Variants in IL1RAPL1 observed in about 807,000 individuals in gnomAD.
IL1RAPL1 encodes interleukin 1 receptor accessory protein like 1, also known as interleukin-1 receptor accessory protein-like 1.
IL1RAPL1 carries 3 observed loss-of-function variants against 48.4 expected under a neutral mutation model. The ratio of observed to expected loss-of-function variants is 0.06; its 90% CI spans 0.03 to 0.16. The LOEUF (loss-of-function observed/expected upper bound fraction) is 0.16. Among genes scored for constraint, IL1RAPL1 ranks in the 10% least tolerant of loss-of-function variants. The pLI, the probability that IL1RAPL1 is intolerant of heterozygous loss-of-function variation, is 1.00. For missense variants in IL1RAPL1, 349 were observed against 530.6 expected (o/e 0.66, Z 3.36); for synonymous variants, 185 against 187.7 (o/e 0.99, Z 0.12).
intron 5 of IL1RAPL1, among the ~76,000 whole-genome samples, chrX:29,537,289 G>C (rs1211900806): frequency 9.0e-6 from 1 of 110,703 alleles, no homozygotes; most frequent in Non-Finnish European, 1.9e-5. Context: ...CAGAACTAAA[G>C]AGTAAACCAA....
At chrX:29,252,102 C>T (rs1294025994) in intron 2 of IL1RAPL1, among the ~76,000 whole-genome samples, 1 of 103,615 alleles carries the variant, frequency 9.7e-6, no homozygotes, top group African/African-American at 3.9e-5. Context: ...ACATCACACT[C>T]TGGGGACTGT....
chrX:29,428,665 A>G (rs1178124428), intron 5 of IL1RAPL1, among the ~76,000 whole-genome samples: 1 of 112,038 alleles, frequency 8.9e-6, no homozygotes, highest in Non-Finnish European at 1.9e-5. Flanking sequence ...AAATTATTCA[A>G]TCCTAGACCT....
intron 2 of IL1RAPL1, among the ~76,000 whole-genome samples, chrX:29,064,259 A>T (rs888552278): frequency 3.6e-5 from 4 of 112,417 alleles, no homozygotes; most frequent in African/African-American, 1.3e-4. Context: ...ATTACAAGGA[A>T]ATACCAAGAT....
Position 29,837,258 on chromosome X carries a change from C to CAAAAA in IL1RAPL1, c.779-80195_779-80191dup, listed in dbSNP as rs34032700. Among the ~76,000 whole-genome samples the CAAAAA allele has an allele frequency of 2.2e-3, 66 of 30,013 alleles. 2 individuals are homozygous for CAAAAA. Among genetic ancestry groups the CAAAAA allele is most frequent in the African/African-American group, 0.011 (59 of 5,168 alleles). The allele number at this position is 30,013 out of a possible 115,157, so 26.1% of individuals were successfully genotyped here. A position where few individuals can be genotyped will look rare whatever the true frequency, so the allele number is the denominator to read the frequency against. Reference sequence around the variant, plus strand: ...AGCCTCAGCGATAGAGACTGCATCTCAAAAAAAAAAAAAAATATATATATA... The same window carrying CAAAAA: ...AGCCTCAGCGATAGAGACTGCATCTCAAAAAAAAAAAAAAAAAAAATATATATATA... On this transcript the variant is annotated intron_variant, in intron 6 of 10. Transcript: ENST00000378993.
intron 5 of IL1RAPL1, among the ~76,000 whole-genome samples, chrX:29,403,146 A>C (rs762488847): frequency 8.9e-6 from 1 of 112,612 alleles, no homozygotes; most frequent in Admixed American, 9.4e-5. Flanking sequence ...ATTCTGCTAC[A>C]TGAGATATAT....
intron 5 of IL1RAPL1, among the ~76,000 whole-genome samples, chrX:29,405,349 T>C (rs1285859026): frequency 3.8e-5 from 4 of 105,571 alleles, no homozygotes; most frequent in Non-Finnish European, 7.6e-5. Context: ...ATATGATATT[T>C]TCTCTGTGTT....
chrX:29,849,300 A>G (rs1004856063), intron 6 of IL1RAPL1, among the ~76,000 whole-genome samples: 5 of 111,600 alleles, frequency 4.5e-5, no homozygotes, highest in African/African-American at 1.3e-4. Flanking sequence ...TGACTCTGAT[A>G]CCTGAAACCT....
At chrX:29,381,491 CAAAAAAAAAAAAAAAAAAAAAAAA>C (rs548019465) in intron 3 of IL1RAPL1, among the ~76,000 whole-genome samples, 18 of 6,462 alleles carry the variant, frequency 2.8e-3, no homozygotes, top group East Asian at 0.01. Flanking sequence ...CTCATCTCTA[CAAAAAAAAAAAAAAAAAAAAAAAA>C]AAAAAAAAAA....
At chrX:29,783,574 A>C (rs1440360330) in intron 6 of IL1RAPL1, among the ~76,000 whole-genome samples, 2 of 112,008 alleles carry the variant, frequency 1.8e-5, no homozygotes, top group African/African-American at 6.5e-5. Flanking sequence ...AAATCATGCC[A>C]AAATCAAAAT....
chrX:29,636,968 G>A (rs1183217375), intron 5 of IL1RAPL1, among the ~76,000 whole-genome samples: 1 of 108,017 alleles, frequency 9.3e-6, no homozygotes, highest in Non-Finnish European at 1.9e-5. Context: ...CAGGAGAATC[G>A]CTTGAACCCA....
At chrX:28,793,393 T>C (rs191350048) in intron 2 of IL1RAPL1, among the ~76,000 whole-genome samples, 16 of 101,356 alleles carry the variant, frequency 1.6e-4, no homozygotes, top group South Asian at 4.1e-4. Flanking sequence ...TTCCTTCCTT[T>C]CTTCCTCCCT....
chrX:29,550,223 A>G (rs935089863), intron 5 of IL1RAPL1, among the ~76,000 whole-genome samples: 7 of 110,417 alleles, frequency 6.3e-5, no homozygotes, highest in South Asian at 3.8e-4. Context: ...ATGGATTCTC[A>G]CTCTGTCGCC....
At chrX:28,728,204 A>G (rs1453923711) in intron 1 of IL1RAPL1, among the ~76,000 whole-genome samples, 1 of 112,285 alleles carries the variant, frequency 8.9e-6, no homozygotes, top group African/African-American at 3.2e-5. Context: ...ATTGTTGAAT[A>G]CTATACTATG....
chrX:28,768,749 C>CTATATATATA (rs1333539964), intron 1 of IL1RAPL1, among the ~76,000 whole-genome samples: 2 of 69,800 alleles, frequency 2.9e-5, no homozygotes, highest in Non-Finnish European at 5.2e-5. Flanking sequence ...CTCTCTCTCT[C>CTATATATATA]TCTCTCTATA....
At chrX:29,795,668 C>T (rs1235124089) in intron 6 of IL1RAPL1, among the ~76,000 whole-genome samples, 1 of 113,201 alleles carries the variant, frequency 8.8e-6, no homozygotes, top group Admixed American at 9.3e-5. Flanking sequence ...GCCTCAGCCT[C>T]CCAGAGTGCT....
At chrX:29,004,816 G>A (rs1602006896) in intron 2 of IL1RAPL1, among the ~76,000 whole-genome samples, 2 of 111,309 alleles carry the variant, frequency 1.8e-5, no homozygotes, top group East Asian at 5.7e-4. Context: ...AGGCTTGATT[G>A]TGCCACTGCC....
chrX:29,618,614 G>A (rs772756876), intron 5 of IL1RAPL1, among the ~76,000 whole-genome samples: 1 of 111,830 alleles, frequency 8.9e-6, no homozygotes, highest in South Asian at 3.8e-4. Context: ...AATGACTTTT[G>A]TCTCTGTAGT....
rs199507340 is a variant in IL1RAPL1, at chrX:29,709,513, T to TTTTTG, written c.778+41031_778+41035dup. On this transcript the variant is annotated intron_variant, in intron 6 of 10. Coordinates refer to ENST00000378993, the MANE Select transcript of IL1RAPL1 (RefSeq NM_014271.4). ...TGTTCCATTGGTCGATGTGTCTCTT[T>TTTTTG]TTTTGTTTTGTTTTGTTTTGTTTTG... Among the ~76,000 whole-genome samples, 483 of 111,186 alleles carry TTTTTG rather than the reference T, an allele frequency of 4.3e-3. 8 individuals are homozygous for TTTTTG. In the East Asian group the frequency reaches 0.063, roughly 14 times the overall value.
At chrX:29,865,994 A>G (rs1030144980) in intron 6 of IL1RAPL1, among the ~76,000 whole-genome samples, 1 of 110,216 alleles carries the variant, frequency 9.1e-6, no homozygotes, top group African/African-American at 3.3e-5. Flanking sequence ...CTTAGAATAT[A>G]TTTTTAAAAA....
Sources: gnomAD v4.1 joint callset for allele counts (sites outside exome capture counted in the v4.1 genomes callset) on GRCh38, gnomAD v4.1.1 for gene constraint, MANE v1.5 for transcripts, NCBI Gene and HGNC (gene_info 2026-07-23, HGNC 2026-07-21) for gene names.